GPC5: variants seen among roughly 807,000 people sequenced by gnomAD.
GPC5 encodes the protein glypican 5.
GPC5 carries 47 observed loss-of-function variants against 53.9 expected under a neutral mutation model. The ratio of observed to expected loss-of-function variants is 0.87; its 90% confidence interval spans 0.69 to 1.11. GPC5 has a LOEUF of 1.11. GPC5 is among the 50% of genes most tolerant of loss of function. GPC5 has a pLI of 0.00. For missense variants in GPC5, 748 were observed against 713.1 expected (o/e 1.05, Z -0.56); for synonymous variants, 286 against 263.3 (o/e 1.09, Z -0.84).
In GPC5 at chr13:92,082,341, A is replaced by G. The variant is rs550606446; in HGVS notation, c.1402-62489A>G. ...CCCAAAACTTAATTTGGGGAAAGAAATTCTGTTGGGGACTAAGGCAATATA... is the reference window on the plus strand; with the variant it reads ...CCCAAAACTTAATTTGGGGAAAGAAGTTCTGTTGGGGACTAAGGCAATATA... On this transcript the variant is annotated intron_variant, in intron 6 of 7. Transcript: ENST00000377067. Among the ~76,000 whole-genome samples, 6 of 152,274 alleles carry G rather than the reference A, an allele frequency of 3.9e-5. No homozygotes were observed. The South Asian group carries it at 1.2e-3, about 32-fold the overall frequency.
chr13:92,519,131 GT>G (rs1253477779), intron 7 of GPC5, among the ~76,000 whole-genome samples: 1 of 152,094 alleles, frequency 6.6e-6, no homozygotes, highest in Non-Finnish European at 1.5e-5. Flanking sequence ...CATAAAGCAA[GT>G]TCTTAGAGAT....
At chr13:92,819,118 G>T (rs1282276888) in intron 7 of GPC5, among the ~76,000 whole-genome samples, 1 of 151,962 alleles carries the variant, frequency 6.6e-6, no homozygotes, top group African/African-American at 2.4e-5. Flanking sequence ...TATGAAAAGT[G>T]ATTCAGTTAA....
chr13:91,879,211 A>G (rs1368303677), intron 5 of GPC5, among the ~76,000 whole-genome samples: 1 of 152,184 alleles, frequency 6.6e-6, no homozygotes, highest in Non-Finnish European at 1.5e-5. Context: ...ATAGGTATAC[A>G]GTACCATGGT....
chr13:92,614,983 G>A (rs4083788), intron 7 of GPC5, among the ~76,000 whole-genome samples: 5,928 of 152,218 alleles, frequency 0.039, 180 homozygotes, highest in Admixed American at 0.1. Context: ...TTTAACAGGA[G>A]ATATTTTGTT....
At chr13:91,883,847 G>A (rs868831812) in intron 5 of GPC5, among the ~76,000 whole-genome samples, 2 of 152,002 alleles carry the variant, frequency 1.3e-5, no homozygotes, top group African/African-American at 2.4e-5. Context: ...AGGTAAACTC[G>A]TGTCATGGGG....
At chr13:92,831,958 A>G (rs1351443932) in intron 7 of GPC5, among the ~76,000 whole-genome samples, 1 of 152,198 alleles carries the variant, frequency 6.6e-6, no homozygotes, top group Non-Finnish European at 1.5e-5. Context: ...CCCTAAATCC[A>G]TTAATGTACA....
chr13:91,443,317 A>G (rs192316887), intron 1 of GPC5, among the ~76,000 whole-genome samples: 4 of 152,340 alleles, frequency 2.6e-5, no homozygotes, highest in East Asian at 3.9e-4. Flanking sequence ...AAGGGACACC[A>G]GAAGTCTGCA....
At chr13:92,205,720 G>A (rs773278661) in intron 7 of GPC5, among the ~76,000 whole-genome samples, 5 of 152,048 alleles carry the variant, frequency 3.3e-5, no homozygotes, top group Non-Finnish European at 5.9e-5. Flanking sequence ...CTAACGTTTG[G>A]AGGAGCCATT....
intron 1 of GPC5, among the ~76,000 whole-genome samples, chr13:91,421,728 C>T (rs1377365898): frequency 6.6e-6 from 1 of 152,114 alleles, no homozygotes; most frequent in African/African-American, 2.4e-5. Flanking sequence ...GGACTGTCAC[C>T]CTCAGTACAG....
At chr13:92,592,935 A>G (rs922893298) in intron 7 of GPC5, among the ~76,000 whole-genome samples, 9 of 150,950 alleles carry the variant, frequency 6.0e-5, no homozygotes, top group Non-Finnish European at 1.0e-4. Flanking sequence ...TCCCCCAAGG[A>G]AAGGCGTTGA....
At chr13:92,274,167 C>T (rs1261484682) in intron 7 of GPC5, among the ~76,000 whole-genome samples, 1 of 152,130 alleles carries the variant, frequency 6.6e-6, no homozygotes, top group African/African-American at 2.4e-5. Context: ...TCATATTGCC[C>T]TTAGAATTTT....
At chr13:91,832,169 A>G (rs1378124820) in intron 5 of GPC5, among the ~76,000 whole-genome samples, 1 of 151,912 alleles carries the variant, frequency 6.6e-6, no homozygotes, top group Non-Finnish European at 1.5e-5. Flanking sequence ...TATATTTAGG[A>G]TAGTTAGCTC....
At chr13:92,098,137 T>A (rs1205496990) in intron 6 of GPC5, among the ~76,000 whole-genome samples, 2 of 152,126 alleles carry the variant, frequency 1.3e-5, no homozygotes, top group Non-Finnish European at 2.9e-5. Context: ...GCAATAGTTA[T>A]TTTTTCTGAT....
intron 7 of GPC5, among the ~76,000 whole-genome samples, chr13:92,733,960 G>C (rs1888873234): frequency 6.6e-6 from 1 of 151,744 alleles, no homozygotes; most frequent in Admixed American, 6.6e-5. Context: ...CTAAAATCTA[G>C]AAGTGTTAAA....
At chr13:92,810,090 C>T (rs919759362) in intron 7 of GPC5, among the ~76,000 whole-genome samples, 1 of 152,022 alleles carries the variant, frequency 6.6e-6, no homozygotes, top group Non-Finnish European at 1.5e-5. Context: ...ATAAAGCCCT[C>T]AAATAAACTC....
At chr13:92,716,533 T>G (rs1316205487) in intron 7 of GPC5, among the ~76,000 whole-genome samples, 1 of 152,016 alleles carries the variant, frequency 6.6e-6, no homozygotes, top group Non-Finnish European at 1.5e-5. Context: ...GTCTCCCTAT[T>G]AGACTGCCAG....
intron 5 of GPC5, among the ~76,000 whole-genome samples, chr13:91,793,458 ATCT>A (rs1035716907): frequency 1.6e-4 from 24 of 152,138 alleles, no homozygotes; most frequent in Non-Finnish European, 2.6e-4. Flanking sequence ...TTCCAAAGAA[ATCT>A]TCTTCTTAAA....
chr13:92,600,016 T>C (rs982608298), intron 7 of GPC5, among the ~76,000 whole-genome samples: 2 of 152,180 alleles, frequency 1.3e-5, no homozygotes, highest in Admixed American at 6.5e-5. Context: ...CGGGATATAG[T>C]GTGGCAGAAG....
chr13:92,761,938 C>T (rs1171486010), intron 7 of GPC5, among the ~76,000 whole-genome samples: 1 of 151,902 alleles, frequency 6.6e-6, no homozygotes, highest in African/African-American at 2.4e-5. Flanking sequence ...GCAAAACTGT[C>T]CTTCAGAAAT....
Sources: allele counts gnomAD v4.1 joint callset (sites outside exome capture counted in the v4.1 genomes callset), GRCh38; gene constraint gnomAD v4.1.1; transcripts MANE v1.5; gene names NCBI Gene and HGNC (gene_info 2026-07-23, HGNC 2026-07-21).